NPFFR2: variants seen among roughly 807,000 people sequenced by gnomAD.
The protein encoded by NPFFR2 is G-protein coupled receptor 74.
In NPFFR2, 15 loss-of-function variants were observed where a neutral mutation model predicts 13.1. That is an observed-to-expected ratio of 1.15 (90% CI 0.77 to 1.76). The LOEUF (loss-of-function observed/expected upper bound fraction) is 1.76. Ranked by LOEUF, NPFFR2 falls within the 40% of genes most tolerant of loss-of-function variation. The pLI is 0.00. For missense variants in NPFFR2, 572 were observed against 503.5 expected, an observed-to-expected ratio of 1.14 and a Z score of -1.30; for synonymous variants, 190 against 175.7, an observed-to-expected ratio of 1.08 and a Z score of -0.65.
Position 72,073,286 on chromosome 4 carries a change from C to T in NPFFR2, c.-8+41086C>T, listed in dbSNP as rs533868278. Among the ~76,000 whole-genome samples the T allele has an allele frequency of 5.9e-5, 9 of 152,032 alleles. No homozygotes were observed. The East Asian group carries it at 1.7e-3, about 29-fold the overall frequency. On this transcript the variant is annotated intron_variant, in intron 1 of 3. Transcript: ENST00000308744. Reference sequence around the variant, plus strand: ...TGATGTAATTATTACATATTGCATGCCTGTATCAAAATATCTCCTGTACCC... The same window carrying T: ...TGATGTAATTATTACATATTGCATGTCTGTATCAAAATATCTCCTGTACCC...
intron 1 of NPFFR2, among the ~76,000 whole-genome samples, chr4:72,116,692 A>G (rs914131467): frequency 6.6e-6 from 1 of 152,236 alleles, no homozygotes; most frequent in East Asian, 1.9e-4. Context: ...GTGTAAAAGT[A>G]TAACAGTCAT....
rs11435353 is a variant in NPFFR2, at chr4:72,081,491, G to GTTTT, written c.-7-47083_-7-47080dup. Among the ~76,000 whole-genome samples the GTTTT allele has an allele frequency of 2.2e-4, 31 of 143,948 alleles. 1 individual carries two copies. Among genetic ancestry groups the GTTTT allele is most frequent in the South Asian group, 6.6e-4 (3 of 4,554 alleles). 94.4% of individuals were successfully genotyped at this position (143,948 alleles called of 152,430 possible). The stretch of plus-strand genomic sequence containing the variant: ...ATGGCTAATAATTGATTTAAGAATT[G>GTTTT]TTTTTTTTTTTTTTGAGACTGAGGT... On this transcript the variant is annotated intron_variant, in intron 1 of 3. Transcript: ENST00000308744.
intron 3 of NPFFR2, among the ~76,000 whole-genome samples, chr4:72,146,102 A>T (rs966573173): frequency 6.6e-6 from 1 of 152,202 alleles, no homozygotes; most frequent in Non-Finnish European, 1.5e-5. Context: ...CAAATCAGCA[A>T]AACATTTAGT....
intron 1 of NPFFR2, among the ~76,000 whole-genome samples, chr4:72,080,402 A>G (rs1209908847): frequency 6.6e-6 from 1 of 152,014 alleles, no homozygotes; most frequent in East Asian, 1.9e-4. Flanking sequence ...TGACCTCGTG[A>G]TCTGCCTGCC....
chr4:72,147,311 A>C lies in NPFFR2; in HGVS notation c.762A>C (p.Thr254=). 6.2e-7 allele frequency: 1 copy of C among 1,614,198 alleles called. No individual in the cohort carries two copies. Among genetic ancestry groups the C allele is most frequent in the Non-Finnish European group, 8.5e-7 (1 of 1,180,028 alleles). Reference sequence around the variant, plus strand: ...TCTTCAGGGCTGCAGTTCCTCACACAGGCAGGAAGAACCAGGAGCAGTGGC... The same window carrying C: ...TCTTCAGGGCTGCAGTTCCTCACACCGGCAGGAAGAACCAGGAGCAGTGGC... ...ISLFRAAVPH[T]GRKNQEQWHV... Residue 254 remains threonine (T), a synonymous_variant, in exon 4 of 4, where the codon ACA becomes ACC. Transcript: ENST00000308744.
intron 1 of NPFFR2, among the ~76,000 whole-genome samples, chr4:72,075,981 A>C (rs927305761): frequency 2.1e-4 from 3 of 14,080 alleles, no homozygotes; most frequent in African/African-American, 1.7e-4. Context: ...ACACATACAC[A>C]CACACACACA....
chr4:72,052,373 A>C (rs1719611742), intron 1 of NPFFR2, among the ~76,000 whole-genome samples: 1 of 142,258 alleles, frequency 7.0e-6, no homozygotes, highest in Non-Finnish European at 1.5e-5. Flanking sequence ...TCCAGCATAT[A>C]AACAGAACCA....
chr4:72,142,374 C>T (rs1203558067), intron 3 of NPFFR2, among the ~76,000 whole-genome samples: 3 of 152,172 alleles, frequency 2.0e-5, no homozygotes, highest in Non-Finnish European at 4.4e-5. Flanking sequence ...TTCCCCAACC[C>T]CTTTTGCTTC....
chr4:72,056,593 A>C (rs767744365), intron 1 of NPFFR2, among the ~76,000 whole-genome samples: 1 of 152,016 alleles, frequency 6.6e-6, no homozygotes, highest in Admixed American at 6.6e-5. Flanking sequence ...TAAGGCTATA[A>C]ATGGCACAAA....
chr4:72,047,939 T>G (rs1024620086), intron 1 of NPFFR2, among the ~76,000 whole-genome samples: 4 of 152,102 alleles, frequency 2.6e-5, no homozygotes. Flanking sequence ...GTCTAGGGAC[T>G]GTGGGCAAGG....
chr4:72,121,994 A>G (rs985510817), intron 1 of NPFFR2, among the ~76,000 whole-genome samples: 1 of 152,148 alleles, frequency 6.6e-6, no homozygotes, highest in African/African-American at 2.4e-5. Flanking sequence ...GGTGTGCTGT[A>G]TTCAGGAGAC....
chr4:72,085,365 G>A (rs1397111474), intron 1 of NPFFR2, among the ~76,000 whole-genome samples: 6 of 152,092 alleles, frequency 3.9e-5, no homozygotes, highest in Non-Finnish European at 1.5e-5. Flanking sequence ...TGAGACAAAG[G>A]GCTCGTAACT....
intron 2 of NPFFR2, among the ~76,000 whole-genome samples, chr4:72,129,733 T>G (rs28788318): frequency 0.022 from 95 of 4,284 alleles, 6 homozygotes; most frequent in African/African-American, 0.11. Flanking sequence ...CAAGAGGCAT[T>G]CCTTCCTCTT....
At chr4:72,145,824 A>C (rs1722763951) in intron 3 of NPFFR2, among the ~76,000 whole-genome samples, 1 of 152,222 alleles carries the variant, frequency 6.6e-6, no homozygotes, top group African/African-American at 2.4e-5. Context: ...TGGAGTCATA[A>C]AAATCAAAGA....
intron 1 of NPFFR2, among the ~76,000 whole-genome samples, chr4:72,079,053 A>AACACACACACACAC (rs59522916): frequency 4.8e-4 from 67 of 139,210 alleles, no homozygotes; most frequent in Admixed American, 2.2e-3. Flanking sequence ...CATAGAACTA[A>AACACACACACACAC]ACACACACAC....
intron 1 of NPFFR2, among the ~76,000 whole-genome samples, chr4:72,099,959 TAC>T (rs1721193210): frequency 6.6e-6 from 1 of 152,116 alleles, no homozygotes; most frequent in South Asian, 2.1e-4. Context: ...TCTGAATTTG[TAC>T]CTTCAGACAT....
At chr4:72,051,764 A>G (rs1418253980) in intron 1 of NPFFR2, among the ~76,000 whole-genome samples, 1 of 151,996 alleles carries the variant, frequency 6.6e-6, no homozygotes, top group Non-Finnish European at 1.5e-5. Flanking sequence ...TAATAAAGAA[A>G]AAAAGAGAGA....
intron 1 of NPFFR2, among the ~76,000 whole-genome samples, chr4:72,091,722 C>A (rs2109802367): frequency 6.6e-6 from 1 of 152,118 alleles, no homozygotes; most frequent in African/African-American, 2.4e-5. Flanking sequence ...GACTTTCTGT[C>A]TTCTTTTCTT....
chr4:72,039,591 T>A (rs1489525827), intron 1 of NPFFR2, among the ~76,000 whole-genome samples: 2 of 152,180 alleles, frequency 1.3e-5, no homozygotes, highest in African/African-American at 4.8e-5. Context: ...TGGATAAAAT[T>A]CAATTCTAAA....
Sources: gnomAD v4.1 joint callset for allele counts (sites outside exome capture counted in the v4.1 genomes callset) on GRCh38, gnomAD v4.1.1 for gene constraint, MANE v1.5 for transcripts, NCBI Gene and HGNC (gene_info 2026-07-23, HGNC 2026-07-21) for gene names.